ERGIC1: variants seen among roughly 807,000 people sequenced by gnomAD.
The protein encoded by ERGIC1 is endoplasmic reticulum-Golgi intermediate compartment protein 1.
A neutral mutation model predicts 38.3 loss-of-function variants in ERGIC1; 19 were observed. That is an observed-to-expected ratio of 0.50 (90% CI 0.35 to 0.73). The LOEUF (loss-of-function observed/expected upper bound fraction) is 0.73. Among genes scored for constraint, ERGIC1 ranks in the 30% least tolerant of loss-of-function variants. ERGIC1 has a pLI of 0.01. For missense variants in ERGIC1, 294 were observed against 389.2 expected, an observed-to-expected ratio of 0.76 and a Z score of 2.06; for synonymous variants, 124 against 157.6, an observed-to-expected ratio of 0.79 and a Z score of 1.60.
chr5:172,869,372 G>C (rs749700455), intron 1 of ERGIC1, among the ~76,000 whole-genome samples: 3 of 152,222 alleles, frequency 2.0e-5, no homozygotes, highest in Non-Finnish European at 4.4e-5. Context: ...AAGTAAAACT[G>C]AGGACTCTGC....
At chr5:172,903,860 T>C (rs544003703) in intron 3 of ERGIC1, among the ~76,000 whole-genome samples, 1 of 151,872 alleles carries the variant, frequency 6.6e-6, no homozygotes, top group African/African-American at 2.4e-5. Flanking sequence ...TGAACCCTGG[T>C]AGCCTAGGCT....
At position 172,914,799 on chromosome 5, in the gene ERGIC1, G is replaced by A. The variant is rs1581570463; in HGVS notation, c.336G>A (p.Gly112=). The change falls in exon 5 of 10, where the codon GGG becomes GGA. Residue 112 remains glycine, a synonymous_variant. Transcript: ENST00000393784. The part of the protein sequence containing the change: ...DNSMKIPLNN[G]AGCRFEGQFS... ...CCATGAAGATCCCGCTGAACAATGG[G>A]GCAGGCTGCCGCTTCGAGGGGCAGT... 1 of 1,614,166 alleles carries A rather than the reference G, an allele frequency of 6.2e-7. No homozygotes were observed. Among genetic ancestry groups the A allele is most frequent in the Non-Finnish European group, 8.5e-7 (1 of 1,180,046 alleles).
chr5:172,934,570 C>G (rs1203972284), intron 8 of ERGIC1: 1 of 159,684 alleles, frequency 6.3e-6, no homozygotes, highest in Non-Finnish European at 1.4e-5. Flanking sequence ...GGGACTCCTG[C>G]TTATTCATCA....
At chr5:172,839,547 G>A (rs748355005) in intron 1 of ERGIC1, among the ~76,000 whole-genome samples, 4 of 151,824 alleles carry the variant, frequency 2.6e-5, no homozygotes, top group Non-Finnish European at 5.9e-5. Flanking sequence ...CTGGGTAACA[G>A]AGCAAGACCC....
At chr5:172,890,341 G>A (rs1050205339) in intron 2 of ERGIC1, among the ~76,000 whole-genome samples, 12 of 152,190 alleles carry the variant, frequency 7.9e-5, no homozygotes, top group Admixed American at 5.9e-4. Flanking sequence ...AAGAGACTAA[G>A]GACCCAGGAT....
At chr5:172,847,682 T>A (rs1446157312) in intron 1 of ERGIC1, among the ~76,000 whole-genome samples, 1 of 152,104 alleles carries the variant, frequency 6.6e-6, no homozygotes, top group African/African-American at 2.4e-5. Flanking sequence ...ACCCAGCTAA[T>A]TTTTGTATTT....
chr5:172,879,183 T>G (rs1196757566), intron 1 of ERGIC1, among the ~76,000 whole-genome samples: 1 of 152,190 alleles, frequency 6.6e-6, no homozygotes, highest in African/African-American at 2.4e-5. Flanking sequence ...AAAGTTAAAA[T>G]AGCAAAGCTG....
chr5:172,850,244 G>A (rs1761369623), intron 1 of ERGIC1, among the ~76,000 whole-genome samples: 1 of 152,232 alleles, frequency 6.6e-6, no homozygotes, highest in East Asian at 1.9e-4. Context: ...GGTCAGAGCT[G>A]AGTTAACCCT....
At chr5:172,876,446 G>A (rs181035273) in intron 1 of ERGIC1, among the ~76,000 whole-genome samples, 35 of 152,128 alleles carry the variant, frequency 2.3e-4, no homozygotes, top group Non-Finnish European at 4.4e-4. Flanking sequence ...ATAATGAGTT[G>A]GTGGTGTAGG....
chr5:172,901,247 G>T (rs186721863), intron 3 of ERGIC1, among the ~76,000 whole-genome samples: 1 of 152,204 alleles, frequency 6.6e-6, no homozygotes, highest in Non-Finnish European at 1.5e-5. Context: ...CTGGTGGGGG[G>T]TGAGGGGGAG....
intron 5 of ERGIC1, chr5:172,920,652 T>C: frequency 1.8e-6 from 1 of 565,766 alleles, no homozygotes; most frequent in Admixed American, 3.0e-5. Context: ...GGAGGGGGAG[T>C]GGGTTCCTGA....
chr5:172,892,177 C>T (rs1461320442), intron 2 of ERGIC1, among the ~76,000 whole-genome samples: 2 of 148,362 alleles, frequency 1.3e-5, no homozygotes, highest in African/African-American at 5.0e-5. Context: ...AATTTCCTTA[C>T]ACAAGAGGAA....
chr5:172,879,293 C>T (rs1378845863), intron 1 of ERGIC1, among the ~76,000 whole-genome samples: 1 of 152,214 alleles, frequency 6.6e-6, no homozygotes, highest in Non-Finnish European at 1.5e-5. Flanking sequence ...CGTGTTTATT[C>T]GGGGTTGGGC....
chr5:172,896,767 C>T (rs1762732889), intron 2 of ERGIC1, among the ~76,000 whole-genome samples: 1 of 152,254 alleles, frequency 6.6e-6, no homozygotes, highest in African/African-American at 2.4e-5. Flanking sequence ...GGGCCAGCCC[C>T]AGGAGGATTG....
At chr5:172,898,002 G>T (rs755131588) in intron 3 of ERGIC1, 8 of 410,224 alleles carry the variant, frequency 2.0e-5, no homozygotes, top group African/African-American at 8.2e-5. Flanking sequence ...CTCATCGGAC[G>T]CCCCTCTGTG....
At chr5:172,945,178 C>G (rs1420745596) in intron 9 of ERGIC1, among the ~76,000 whole-genome samples, 1 of 152,152 alleles carries the variant, frequency 6.6e-6, no homozygotes, top group East Asian at 1.9e-4. Context: ...CCTCACTGGC[C>G]AAAGGATGGA....
intron 1 of ERGIC1, among the ~76,000 whole-genome samples, chr5:172,881,558 C>T (rs914874704): frequency 1.3e-5 from 2 of 152,184 alleles, no homozygotes; most frequent in African/African-American, 2.4e-5. Context: ...TTATTATAAT[C>T]CGTCCTTTAG....
chr5:172,881,846 G>A (rs540858786), intron 1 of ERGIC1, among the ~76,000 whole-genome samples: 2 of 152,214 alleles, frequency 1.3e-5, no homozygotes, highest in Non-Finnish European at 2.9e-5. Flanking sequence ...GGCCTCTGTG[G>A]CCCTAGTATA....
chr5:172,888,426 C>T (rs1277848432), intron 1 of ERGIC1, among the ~76,000 whole-genome samples: 2 of 151,834 alleles, frequency 1.3e-5, no homozygotes, highest in Non-Finnish European at 2.9e-5. Flanking sequence ...CACAACTGCA[C>T]TCCAGCCTGG....
Sources: gnomAD v4.1 joint callset for allele counts (sites outside exome capture counted in the v4.1 genomes callset) on GRCh38, gnomAD v4.1.1 for gene constraint, MANE v1.5 for transcripts, NCBI Gene and HGNC (gene_info 2026-07-23, HGNC 2026-07-21) for gene names.